Variants in TET2 observed in about 807,000 individuals in gnomAD.
TET2 encodes tet methylcytosine dioxygenase 2, also known as methylcytosine dioxygenase TET2.
Under a neutral mutation model 142.9 loss-of-function variants are expected in TET2, and 299 were observed. The ratio of observed to expected loss-of-function variants is 2.09; its 90% CI spans 1.90 to 2.30. The LOEUF is 2.30. TET2 is among the 30% of genes most tolerant of loss of function. The pLI is 0.00. For missense variants in TET2, 2,418 were observed against 2,378.0 expected (o/e 1.02, Z -0.35); for synonymous variants, 819 against 849.0 (o/e 0.96, Z 0.61).
intron 5 of TET2, 119 bp from the exon 6 acceptor site, chr4:105,243,451 A>T: frequency 1.1e-6 from 1 of 913,294 alleles, no homozygotes; most frequent in Non-Finnish European, 1.7e-6. Flanking sequence ...ATGTTGCCCT[A>T]ATTGTGATCT....
At chr4:105,230,525 A>G (rs1728446307) in intron 2 of TET2, among the ~76,000 whole-genome samples, 2 of 152,218 alleles carry the variant, frequency 1.3e-5, no homozygotes, top group South Asian at 4.1e-4. Flanking sequence ...ATCTTCACTA[A>G]TTGGAGAAGA....
At chr4:105,154,702 A>T (rs1163355579) in intron 1 of TET2, among the ~76,000 whole-genome samples, 1 of 152,206 alleles carries the variant, frequency 6.6e-6, no homozygotes, top group Non-Finnish European at 1.5e-5. Context: ...TTACCTAGCC[A>T]TTCAGTTCAG....
rs564724229 is a variant in TET2 at position 105,232,089 on chromosome 4, C to G, written c.-46-1808C>G. 5.9e-5 allele frequency among the ~76,000 whole-genome samples: 9 copies of G among 152,246 alleles called. No individual in the cohort carries two copies. In the East Asian group the frequency reaches 1.5e-3, roughly 26 times the overall value. On this transcript the variant is annotated intron_variant, in intron 2 of 10. Coordinates refer to ENST00000380013, the MANE Select transcript of TET2 (RefSeq NM_001127208.3). The stretch of plus-strand genomic sequence containing the variant: ...CCCTCTTTGTGTCCATGTGTTCTTG[C>G]TGTTTAGCTGCCACTTAAGAGAACA...
rs116658061 is a variant in TET2 at position 105,225,662 on chromosome 4, A to G, written c.-46-8235A>G. On this transcript the variant is annotated intron_variant, in intron 2 of 10. Coordinates refer to ENST00000380013, the MANE Select transcript of TET2 (RefSeq NM_001127208.3). ...ACTTCAGTAGTCTCATTGCCTCAAC[A>G]TAACCACAGTTCAGGGCAGTAGAGG... is the stretch of plus-strand genomic sequence containing the variant. Among the ~76,000 whole-genome samples, 1,139 of 152,258 alleles carry G rather than the reference A, an allele frequency of 7.5e-3. 22 individuals are homozygous for G. Among genetic ancestry groups the G allele is most frequent in the African/African-American group, 0.026 (1,091 of 41,530 alleles).
intron 2 of TET2, among the ~76,000 whole-genome samples, chr4:105,197,400 C>T (rs1726155272): frequency 6.6e-6 from 1 of 152,128 alleles, no homozygotes; most frequent in Non-Finnish European, 1.5e-5. Flanking sequence ...AGAAGTTTAT[C>T]ATTGATTATA....
intron 2 of TET2, among the ~76,000 whole-genome samples, chr4:105,195,094 C>T (rs552320208): frequency 6.6e-6 from 1 of 152,178 alleles, no homozygotes; most frequent in African/African-American, 2.4e-5. Context: ...TATGATGTGT[C>T]CTTTGATTTT....
intron 1 of TET2, among the ~76,000 whole-genome samples, chr4:105,153,134 G>C (rs1723392977): frequency 1.3e-5 from 2 of 152,144 alleles, no homozygotes; most frequent in African/African-American, 4.8e-5. Flanking sequence ...GCCATTGTAT[G>C]AAATAATACA....
chr4:105,194,373 C>G (rs1265669849), intron 2 of TET2, among the ~76,000 whole-genome samples: 7 of 152,028 alleles, frequency 4.6e-5, no homozygotes, highest in Admixed American at 4.6e-4. Flanking sequence ...ATCTTTTTAT[C>G]TTTTCAGTAG....
rs59576487 is a variant in TET2 at position 105,276,838 on chromosome 4, T to TC, written c.*330dup. On this transcript the variant is annotated 3_prime_UTR_variant, in exon 11 of 11. Transcript: ENST00000380013. ...TGGACGAGATGATATGTAAATGTGA[T>TC]CCCCCCCCCCCGCTTACAACTCTAC... 0.11 allele frequency: 16,290 copies of TC among 154,074 alleles called. 1,238 individuals are homozygous for TC. Among genetic ancestry groups the TC allele is most frequent in the African/African-American group, 0.17 (4,322 of 24,916 alleles). The allele number at this position is 154,074 out of a possible 1,614,324, so 9.5% of individuals were successfully genotyped here.
intron 6 of TET2, among the ~76,000 whole-genome samples, chr4:105,256,428 C>T (rs1479590622): frequency 6.6e-6 from 1 of 152,098 alleles, no homozygotes; most frequent in African/African-American, 2.4e-5. Flanking sequence ...CTATGTCATT[C>T]TACTGCCTTC....
chr4:105,258,060 C>CTGTT (rs1457796014), intron 6 of TET2, among the ~76,000 whole-genome samples: 1 of 152,122 alleles, frequency 6.6e-6, no homozygotes, highest in African/African-American at 2.4e-5. Context: ...TAAATGTGGG[C>CTGTT]TGTTTTGATT....
At chr4:105,164,768 A>G (rs772144736) in intron 1 of TET2, among the ~76,000 whole-genome samples, 2 of 152,208 alleles carry the variant, frequency 1.3e-5, no homozygotes, top group Non-Finnish European at 2.9e-5. Flanking sequence ...TTGGGACCTG[A>G]CAGGGAGATT....
intron 2 of TET2, among the ~76,000 whole-genome samples, chr4:105,200,114 G>A (rs549838619): frequency 1.4e-3 from 208 of 152,140 alleles, no homozygotes; most frequent in African/African-American, 4.8e-3. Context: ...TTGAGGAATC[G>A]CTACACTGTC....
chr4:105,209,638 A>G (rs1235494411), intron 2 of TET2, among the ~76,000 whole-genome samples: 3 of 147,950 alleles, frequency 2.0e-5, no homozygotes, highest in South Asian at 4.2e-4. Flanking sequence ...ATGTTTCTGA[A>G]TGGGCTAAAA....
chr4:105,192,328 C>T (rs1039549529), intron 2 of TET2, among the ~76,000 whole-genome samples: 1 of 152,056 alleles, frequency 6.6e-6, no homozygotes. Context: ...TAATTTTTTA[C>T]AGTTGGATAA....
At chr4:105,216,261 T>A (rs566000782) in intron 2 of TET2, among the ~76,000 whole-genome samples, 1 of 152,266 alleles carries the variant, frequency 6.6e-6, no homozygotes, top group African/African-American at 2.4e-5. Flanking sequence ...CATGTTTATT[T>A]CATAGTACTT....
In TET2 at chr4:105,241,186, T is replaced by A. The variant is rs1311903952; in HGVS notation, c.3410-153T>A. 10 of 1,289,968 alleles carry A rather than the reference T, an allele frequency of 7.8e-6. 1 individual carries two copies. The Admixed American group carries it at 1.5e-4, about 19-fold the overall frequency. The allele number at this position is 1,289,968 out of a possible 1,614,324, so 79.9% of individuals were successfully genotyped here. On this transcript the variant is annotated intron_variant, in intron 3 of 10. Coordinates refer to ENST00000380013, the MANE Select transcript of TET2 (RefSeq NM_001127208.3). Reference sequence around the variant, plus strand: ...ATTATGTGGCACATTTTCTAATAGATCAGTCCATCAATCTACTCATTTTAA... The same window carrying A: ...ATTATGTGGCACATTTTCTAATAGAACAGTCCATCAATCTACTCATTTTAA...
rs2110312022 is a variant in TET2 at position 105,275,163 on chromosome 4, C to T, written c.4653C>T (p.His1551=). The T allele has an allele frequency of 1.3e-6, 2 of 1,552,212 alleles. No individual in the cohort carries two copies. The highest frequency in any genetic ancestry group is 1.7e-6 in the Non-Finnish European group (2 of 1,147,092). The stretch of plus-strand genomic sequence containing the variant: ...GACCCCAGCAGCAGCAGCCACATCA[C>T]CCTCAGACAGAGTCTGTCAACTCTT... ...QQRPQQQQPH[H]PQTESVNSYS... The change falls in exon 11 of 11, where the codon CAC becomes CAT. Residue 1551 remains histidine (H), a synonymous_variant. Coordinates refer to ENST00000380013, the MANE Select transcript of TET2 (RefSeq NM_001127208.3).
chr4:105,198,416 A>G (rs976919832), intron 2 of TET2, among the ~76,000 whole-genome samples: 1 of 152,190 alleles, frequency 6.6e-6, no homozygotes, highest in South Asian at 2.1e-4. Flanking sequence ...TGAAAAGGAA[A>G]ACTATCAAAA....
Sources: gnomAD v4.1 joint callset for allele counts (sites outside exome capture counted in the v4.1 genomes callset) on GRCh38, gnomAD v4.1.1 for gene constraint, MANE v1.5 for transcripts, NCBI Gene and HGNC (gene_info 2026-07-23, HGNC 2026-07-21) for gene names.